SNED1: variants seen among roughly 807,000 people sequenced by gnomAD.
SNED1 encodes the protein sushi, nidogen and EGF-like domain-containing protein 1.
In SNED1, 81 loss-of-function variants were observed where a neutral mutation model predicts 166.7. That is an observed-to-expected ratio of 0.49 (90% CI 0.41 to 0.58). The LOEUF is 0.58. Among genes scored for constraint, SNED1 ranks in the 20% least tolerant of loss-of-function variants. The pLI is 0.00. For synonymous variants in SNED1, 762 were observed against 822.0 expected (o/e 0.93, Z 1.25); for missense variants, 1,604 against 2,000.2 (o/e 0.80, Z 3.78).
chr2:241,065,595 C>T lies in SNED1; in HGVS notation c.3010C>T (p.Arg1004Ter). ...GCCTGCCGTGCTGCTGGCCCGCACGCGTGAGTGTCCCCGAGCCTGGCCGTC... is the reference window on the plus strand; with the variant it reads ...GCCTGCCGTGCTGCTGGCCCGCACGTGTGAGTGTCCCCGAGCCTGGCCGTC... ...SRPAVLLART[R>*]PRPVEGFEVT... is the part of the protein sequence containing the mutation. The change falls in exon 21 of 32, where the codon CGA (arginine) becomes TGA (stop). Residue 1004 changes from arginine to a stop codon, truncating the protein, a stop_gained and splice_region_variant. Transcript: ENST00000310397. LOFTEE classifies it high-confidence loss of function. 1.2e-6 allele frequency: 2 copies of T among 1,610,566 alleles called. No homozygotes were observed.
At chr2:241,056,025 T>A (rs1424875582) in intron 16 of SNED1, among the ~76,000 whole-genome samples, 2 of 149,242 alleles carry the variant, frequency 1.3e-5, no homozygotes, top group Non-Finnish European at 1.5e-5. Context: ...ACTGTTCTTA[T>A]ACGCACTATG....
intron 1 of SNED1, among the ~76,000 whole-genome samples, chr2:241,009,459 C>A (rs561781209): frequency 6.6e-6 from 1 of 152,046 alleles, no homozygotes; most frequent in Non-Finnish European, 1.5e-5. Flanking sequence ...AAGGAGCAGG[C>A]GGCAGGAGCT....
rs573771646 is a variant in SNED1 at position 241,089,424 on chromosome 2, C to G, written c.*1+1022C>G. The G allele has an allele frequency of 2.6e-6, 4 of 1,549,656 alleles. No homozygotes were observed. The Admixed American group carries it at 7.9e-5, about 30-fold the overall frequency. On this transcript the variant is annotated intron_variant, in intron 31 of 31. Coordinates refer to ENST00000310397, the MANE Select transcript of SNED1 (RefSeq NM_001080437.3). ...CCTTTAAAAACAAACAGAAGCAAAA[C>G]AGCTTTTCAGATATAGGCTCACACA... is the stretch of plus-strand genomic sequence containing the variant.
At chr2:241,036,311 G>A (rs981895253) in intron 4 of SNED1, among the ~76,000 whole-genome samples, 2 of 151,876 alleles carry the variant, frequency 1.3e-5, no homozygotes, top group Admixed American at 6.5e-5. Flanking sequence ...CTCACGGGGC[G>A]GGGAGCCCAG....
chr2:241,072,046 C>A (rs567575081), intron 26 of SNED1, 168 bp downstream of exon 26: 1 of 717,732 alleles, frequency 1.4e-6, no homozygotes, highest in Non-Finnish European at 2.5e-6. Context: ...CGTGGGCCGC[C>A]GGCAGCATGC....
intron 21 of SNED1, among the ~76,000 whole-genome samples, chr2:241,066,503 A>G (rs530163747): frequency 1.9e-4 from 29 of 152,326 alleles, no homozygotes; most frequent in African/African-American, 6.0e-4. Context: ...CCATGGGGCC[A>G]TGGGACTCTC....
At chr2:241,089,398 AC>A in intron 31 of SNED1, 1 of 1,550,574 alleles carries the variant, frequency 6.4e-7, no homozygotes, top group Non-Finnish European at 8.7e-7. Flanking sequence ...TCATTCAGGA[AC>A]CTTTAAAAAC....
chr2:241,067,697 T>G (rs2062519018), intron 21 of SNED1, 67 bp from the exon 22 acceptor site: 1 of 1,405,930 alleles, frequency 7.1e-7, no homozygotes, highest in Non-Finnish European at 9.8e-7. Context: ...TGGTTTCATC[T>G]TGAGCCCCTG....
At chr2:241,088,178 G>C in intron 30 of SNED1, 187 bp from the exon 31 acceptor site, 1 of 589,244 alleles carries the variant, frequency 1.7e-6, no homozygotes, top group East Asian at 2.9e-5. Context: ...ACTGCCTCAA[G>C]CCAGGCGGGC....
At chr2:241,067,563 G>T (rs562008526) in intron 21 of SNED1, among the ~76,000 whole-genome samples, 1 of 152,142 alleles carries the variant, frequency 6.6e-6, no homozygotes, top group Admixed American at 6.5e-5. Flanking sequence ...TGCTCACAGC[G>T]GGTTCTGCAG....
chr2:241,045,575 A>G (rs1370760950), intron 8 of SNED1, among the ~76,000 whole-genome samples: 1 of 152,118 alleles, frequency 6.6e-6, no homozygotes, highest in Non-Finnish European at 1.5e-5. Flanking sequence ...AATGGGGTTG[A>G]AACAATTAAA....
intron 31 of SNED1, chr2:241,088,618 C>T (rs988919466): frequency 2.1e-5 from 12 of 568,106 alleles, no homozygotes; most frequent in Middle Eastern, 4.6e-4. Flanking sequence ...CTGACAAATA[C>T]ACCTTCAGGT....
chr2:241,012,190 G>A (rs980471723), intron 1 of SNED1, among the ~76,000 whole-genome samples: 7 of 152,142 alleles, frequency 4.6e-5, no homozygotes, highest in African/African-American at 1.4e-4. Flanking sequence ...AGGTGGCCCA[G>A]CCCCAGGGAC....
intron 16 of SNED1, among the ~76,000 whole-genome samples, chr2:241,058,250 T>C (rs968768164): frequency 1.3e-5 from 2 of 152,188 alleles, no homozygotes; most frequent in Non-Finnish European, 2.9e-5. Flanking sequence ...ACAATTATTA[T>C]AAATATTCAA....
At chr2:241,034,468 G>A in intron 3 of SNED1, 100 bp from the exon 4 acceptor site, 1 of 1,183,966 alleles carries the variant, frequency 8.4e-7, no homozygotes, top group Non-Finnish European at 1.2e-6. Context: ...TGGCTGGGAG[G>A]TTGCCGACCC....
At chr2:241,052,797 G>C (rs868552701) in intron 15 of SNED1, among the ~76,000 whole-genome samples, 2 of 126,226 alleles carry the variant, frequency 1.6e-5, no homozygotes, top group Middle Eastern at 4.3e-3. Context: ...GGCAGGTAAG[G>C]CCTGGGGGGC....
intron 8 of SNED1, among the ~76,000 whole-genome samples, chr2:241,041,842 C>G (rs186110814): frequency 6.6e-6 from 1 of 152,332 alleles, no homozygotes; most frequent in East Asian, 1.9e-4. Flanking sequence ...AAAAGAGTCT[C>G]TAGTCTTCTG....
At chr2:241,047,101 C>T (rs185669234) in intron 8 of SNED1, among the ~76,000 whole-genome samples, 5 of 145,802 alleles carry the variant, frequency 3.4e-5, no homozygotes, top group South Asian at 4.4e-4. Context: ...GCCGAGATCG[C>T]GCCACTGCAC....
chr2:241,080,886 A>C (rs899250312), intron 27 of SNED1, among the ~76,000 whole-genome samples: 2 of 152,218 alleles, frequency 1.3e-5, no homozygotes, highest in Non-Finnish European at 2.9e-5. Flanking sequence ...GGTGAGGGAA[A>C]GCCTGTCTTC....
Sources: allele counts gnomAD v4.1 joint callset (sites outside exome capture counted in the v4.1 genomes callset), GRCh38; gene constraint gnomAD v4.1.1; transcripts MANE v1.5; gene names NCBI Gene and HGNC (gene_info 2026-07-23, HGNC 2026-07-21).